Variants in DRC4 observed in about 807,000 individuals in gnomAD.
DRC4 encodes the protein GAS-11.
At chr16:90,026,311 G>A in the DRC4 span, among the ~76,000 whole-genome samples, 1 of 152,154 alleles carries the variant, frequency 6.6e-6, no homozygotes, top group Non-Finnish European at 1.5e-5. Context: ...GGGGTTAGAA[G>A]GTTCTCTCCC....
At chr16:90,036,231 AC>A in the DRC4 span, 1 of 688,272 alleles carries the variant, frequency 1.5e-6, no homozygotes, top group East Asian at 2.7e-5. Context: ...CTCAGTCTAA[AC>A]CCCTTTGTTC....
chr16:90,042,502 G>A, the DRC4 span: 1 of 1,613,838 alleles, frequency 6.2e-7, no homozygotes, highest in Admixed American at 1.7e-5. Context: ...GCACCATCAA[G>A]GACCTGCAGT....
At chr16:90,028,974 A>G in the DRC4 span, 1 of 1,304,886 alleles carries the variant, frequency 7.7e-7, no homozygotes. Flanking sequence ...GTGGCTAAGC[A>G]GAGAGGTGAT....
the DRC4 span, chr16:90,031,282 C>T: frequency 6.2e-7 from 1 of 1,611,146 alleles, no homozygotes; most frequent in Non-Finnish European, 8.5e-7. Flanking sequence ...CTCACCTGAC[C>T]CACTGCACCT....
chr16:90,032,908 T>C, the DRC4 span: 1 of 1,613,340 alleles, frequency 6.2e-7, no homozygotes, highest in African/African-American at 1.3e-5. Flanking sequence ...GAGGTGGTGG[T>C]GAAGAACCTG....
the DRC4 span, chr16:90,036,448 T>A: frequency 6.2e-7 from 1 of 1,614,028 alleles, no homozygotes; most frequent in Non-Finnish European, 8.5e-7. Context: ...GGAGAAAGAC[T>A]GAGCTCCACG....
the DRC4 span, chr16:90,022,773 ACCTCGGGGCAGGGAGG>A: frequency 2.3e-6 from 3 of 1,317,542 alleles, no homozygotes; most frequent in Non-Finnish European, 2.9e-6. Flanking sequence ...GGGCCCGGAG[ACCTCGGGGCAGGGAGG>A]CCTCGGTACA....
At chr16:90,036,134 A>G in the DRC4 span, 1 of 578,686 alleles carries the variant, frequency 1.7e-6, no homozygotes, top group African/African-American at 1.9e-5. Context: ...TGGCACCCCC[A>G]GTGCAGGGAG....
At chr16:90,026,597 T>C in the DRC4 span, among the ~76,000 whole-genome samples, 1 of 152,220 alleles carries the variant, frequency 6.6e-6, no homozygotes, top group South Asian at 2.1e-4. Flanking sequence ...TTTGGCAGTG[T>C]GGTATTGAGG....
chr16:90,031,825 T>C, the DRC4 span, among the ~76,000 whole-genome samples: 137 of 152,238 alleles, frequency 9.0e-4, 1 homozygote, highest in African/African-American at 3.3e-3. Context: ...CAGGTTTGCA[T>C]AGGTGAACAG....
At chr16:90,027,324 G>A in the DRC4 span, among the ~76,000 whole-genome samples, 2 of 151,920 alleles carry the variant, frequency 1.3e-5, no homozygotes, top group East Asian at 1.9e-4. Flanking sequence ...TCCTGACCTC[G>A]TGATCCGTCC....
chr16:90,019,742 C>T, the DRC4 span: 47 of 659,868 alleles, frequency 7.1e-5, no homozygotes, highest in Non-Finnish European at 2.7e-5. The surrounding 1 kb of genome is among the most constrained non-coding windows in gnomAD (Gnocchi z 6.1). Context: ...CGGCCGCGCC[C>T]GCTGGCGTCC....
chr16:90,020,712 C>T, the DRC4 span: 1 of 152,370 alleles, frequency 6.6e-6, no homozygotes, highest in East Asian at 1.9e-4. Flanking sequence ...CTCTGCAGCC[C>T]ACACCGACAG....
the DRC4 span, among the ~76,000 whole-genome samples, chr16:90,033,327 T>C: frequency 6.6e-6 from 1 of 152,226 alleles, no homozygotes; most frequent in African/African-American, 2.4e-5. Flanking sequence ...CAAGCTGGTC[T>C]GATTTTTACT....
the DRC4 span, chr16:90,037,335 G>C: frequency 6.2e-7 from 1 of 1,614,008 alleles, no homozygotes; most frequent in South Asian, 1.1e-5. Context: ...CAGAAGGCTC[G>C]GGAGGAGATG....
At chr16:90,032,800 T>C in the DRC4 span, 2 of 1,613,962 alleles carry the variant, frequency 1.2e-6, no homozygotes, top group Admixed American at 1.7e-5. Context: ...ACTGTAGTCA[T>C]GAAGCTGGCA....
chr16:90,028,844 C>T, the DRC4 span: 7 of 874,724 alleles, frequency 8.0e-6, no homozygotes, highest in South Asian at 5.0e-5. Context: ...GATAAAAAAT[C>T]AATACGAAGG....
chr16:90,031,104 A>C, the DRC4 span: 1 of 1,295,712 alleles, frequency 7.7e-7, no homozygotes. Flanking sequence ...AATTGAAGAG[A>C]ATTCTGCCAC....
the DRC4 span, chr16:90,035,738 A>G: frequency 2.5e-6 from 4 of 1,613,986 alleles, no homozygotes; most frequent in South Asian, 4.4e-5. Context: ...CCCCCGCCCC[A>G]TCAGAGAGGA....
Sources: gnomAD v4.1 joint callset for allele counts (sites outside exome capture counted in the v4.1 genomes callset) on GRCh38, gnomAD v4.1.1 for gene constraint, Gnocchi (gnomAD v3.1) non-coding constraint, MANE v1.5 for transcripts, NCBI Gene and HGNC (gene_info 2026-07-23, HGNC 2026-07-21) for gene names.